The following DCLRE1C variants were observed in gnomAD, a reference collection of about 807,000 sequenced individuals.
DCLRE1C encodes the protein protein artemis.
DCLRE1C carries 47 observed loss-of-function variants against 61.4 expected under a neutral mutation model. The observed-to-expected ratio is 0.77, with a 90% CI of 0.61 to 0.98. The LOEUF (loss-of-function observed/expected upper bound fraction) is 0.98, where lower values mean the gene tolerates loss of function less well. Among genes scored for constraint, DCLRE1C ranks in the 50% least tolerant of loss-of-function variants. The pLI is 0.00. For missense variants in DCLRE1C, 858 were observed against 816.0 expected (o/e 1.05, Z -0.63); for synonymous variants, 337 against 287.6 (o/e 1.17, Z -1.74).
At chr10:14,925,215 A>G (rs1837757902) in intron 11 of DCLRE1C, among the ~76,000 whole-genome samples, 1 of 149,768 alleles carries the variant, frequency 6.7e-6, no homozygotes, top group Non-Finnish European at 1.5e-5. Context: ...TTTGAAGGGA[A>G]TAAAGGATTT....
upstream of DCLRE1C, chr10:14,954,265 C>T (rs1369639819): frequency 1.7e-6 from 1 of 588,972 alleles, no homozygotes; most frequent in Non-Finnish European, 3.0e-6. Flanking sequence ...CTGCCCAGTG[C>T]AAGGCTCATT....
At chr10:14,911,457 G>C (rs1326842523) in intron 13 of DCLRE1C, 1 of 152,142 alleles carries the variant, frequency 6.6e-6, no homozygotes, top group Non-Finnish European at 1.5e-5. Context: ...GTAAAATTCA[G>C]AATGTATGGC....
intron 2 of DCLRE1C, among the ~76,000 whole-genome samples, chr10:14,947,358 C>G (rs1035936185): frequency 2.6e-5 from 4 of 152,170 alleles, no homozygotes; most frequent in Admixed American, 2.6e-4. Flanking sequence ...ACTCTGCTCA[C>G]TGATGTTTGA....
At chr10:14,939,405 C>G (rs1320944316) in intron 4 of DCLRE1C, among the ~76,000 whole-genome samples, 1 of 149,866 alleles carries the variant, frequency 6.7e-6, no homozygotes, top group Admixed American at 6.7e-5. Flanking sequence ...GATCACACCA[C>G]TGCACTCCAG....
chr10:14,899,802 T>C (rs969077561), downstream of DCLRE1C: 1 of 1,271,576 alleles, frequency 7.9e-7, no homozygotes, highest in Admixed American at 2.6e-5. Context: ...CCAAAATATG[T>C]ATTTTATAAG....
chr10:14,953,736 T>C (rs577871774), intron 1 of DCLRE1C, among the ~76,000 whole-genome samples, 166 bp downstream of exon 1: 3 of 152,252 alleles, frequency 2.0e-5, no homozygotes, highest in South Asian at 2.1e-4. Flanking sequence ...CGAAAATAGA[T>C]GAAGCCTTTG....
chr10:14,911,002 A>G (rs1366397018), intron 13 of DCLRE1C, among the ~76,000 whole-genome samples: 2 of 152,206 alleles, frequency 1.3e-5, no homozygotes, highest in African/African-American at 4.8e-5. Context: ...ACATTGAAGA[A>G]ATAAATGTAC....
rs1305521086 is a variant in DCLRE1C at position 14,905,960 on chromosome 10, TG to T, written c.*2447del. Among the ~76,000 whole-genome samples, 1 of 152,170 alleles carries T rather than the reference TG, an allele frequency of 6.6e-6. No homozygotes were observed. The highest frequency in any genetic ancestry group is 2.4e-5 in the African/African-American group (1 of 41,426). ...TAGGGCCACTGCATTCCAGCCTGAG[TG>T]ACAGAGCGAGACTCCATCTTGAAAA... On this transcript the variant is annotated 3_prime_UTR_variant, in exon 14 of 14. Coordinates refer to ENST00000378278, the MANE Select transcript of DCLRE1C (RefSeq NM_001033855.3).
rs1834698925 is a variant in DCLRE1C, at chr10:14,908,565, G to C, written c.1922C>G (p.Thr641Arg). The change falls in exon 14 of 14, where the codon ACA becomes AGA. Residue 641 changes from threonine to arginine, a missense_variant. By Grantham distance (71) the Thr-to-Arg change is moderately conservative (BLOSUM62 -1). Around this residue, in one of 2 missense-constraint regions of DCLRE1C, gnomAD observed 843 missense variants for 783.5 expected, o/e 1.08. Coordinates refer to ENST00000378278, the MANE Select transcript of DCLRE1C (RefSeq NM_001033855.3). ...PEEKSLLNLS[T>R]NADSQSSSDF... Reference sequence around the variant, plus strand: ...AGAAGAGCTCTGGGAATCTGCATTTGTGCTAAGATTTAGCAAACTTTTTTC... The same window carrying C: ...AGAAGAGCTCTGGGAATCTGCATTTCTGCTAAGATTTAGCAAACTTTTTTC... The C allele has an allele frequency of 6.2e-7, 1 of 1,614,004 alleles. No individual in the cohort carries two copies. Among genetic ancestry groups the C allele is most frequent in the Admixed American group, 1.7e-5 (1 of 60,008 alleles).
chr10:14,950,375 AAC>A (rs1491276544), intron 1 of DCLRE1C, among the ~76,000 whole-genome samples: 3 of 151,638 alleles, frequency 2.0e-5, no homozygotes, highest in African/African-American at 4.8e-5. Context: ...AAAAAAAAAA[AAC>A]AAGAACAATA....
At chr10:14,922,462 A>G (rs1837279615) in intron 12 of DCLRE1C, among the ~76,000 whole-genome samples, 1 of 151,764 alleles carries the variant, frequency 6.6e-6, no homozygotes, top group South Asian at 2.1e-4. Flanking sequence ...AAAATCATTC[A>G]TGAATGCATA....
rs1455852932 is a variant in DCLRE1C, at chr10:14,935,457, C to G, written c.464+6G>C. The G allele has an allele frequency of 2.5e-6, 4 of 1,613,738 alleles. No homozygotes were observed. Among genetic ancestry groups the G allele is most frequent in the Non-Finnish European group, 3.4e-6 (4 of 1,179,686 alleles). ...AATAAAATAAAACCTATACGAGGCC[C>G]AGTACCTGCCCCCGGAGTGCAGAAG... On this transcript the variant is annotated splice_donor_region_variant and intron_variant, in intron 6 of 13. Coordinates refer to ENST00000378278, the MANE Select transcript of DCLRE1C (RefSeq NM_001033855.3).
intron 5 of DCLRE1C, among the ~76,000 whole-genome samples, chr10:14,936,258 A>G (rs1361402781): frequency 1.3e-5 from 2 of 151,902 alleles, no homozygotes; most frequent in Non-Finnish European, 2.9e-5. Flanking sequence ...CCCTAGTTCA[A>G]TTTGGGAACA....
chr10:14,934,632 C>T (rs1468986140), intron 7 of DCLRE1C, 71 bp downstream of exon 7: 31 of 1,611,966 alleles, frequency 1.9e-5, no homozygotes, highest in Non-Finnish European at 2.4e-5. Context: ...TATGACCTGT[C>T]ACCCTACAAA....
chr10:14,908,950 C>T lies in DCLRE1C; in HGVS notation c.1537G>A (p.Ala513Thr). ...SLENFPSSTVAGGSQSPKLFS... is the reference protein window; with the variant it reads ...SLENFPSSTVTGGSQSPKLFS... ...AGCTTTGGTGACTGAGATCCCCCTG[C>T]CACTGTGGAGGAAGGGAAGTTTTCC... Residue 513 changes from alanine (A) to threonine (T), a missense_variant, in exon 14 of 14, where the codon GCA becomes ACA. Transcript: ENST00000378278. 6.2e-7 allele frequency: 1 copy of T among 1,614,168 alleles called. No homozygotes were observed. The highest frequency in any genetic ancestry group is 8.5e-7 in the Non-Finnish European group (1 of 1,180,028).
Position 14,934,820 on chromosome 10 carries a change from A to G in DCLRE1C, c.465-45T>C, listed in dbSNP as rs369082885. 7 of 1,442,776 alleles carry G rather than the reference A, an allele frequency of 4.9e-6. No individual in the cohort carries two copies. The African/African-American group carries it at 9.8e-5, about 20-fold the overall frequency. 89.4% of individuals were successfully genotyped at this position (1,442,776 alleles called of 1,614,324 possible). On this transcript the variant is annotated intron_variant, in intron 6 of 13. Transcript: ENST00000378278. ...ATGTTAGCCATCCAATGTGATATAA[A>G]TTATGTGTAACTTTTTTTGTTTTTT...
At chr10:14,932,082 G>A (rs912053960) in intron 9 of DCLRE1C, among the ~76,000 whole-genome samples, 8 of 150,872 alleles carry the variant, frequency 5.3e-5, no homozygotes, top group African/African-American at 9.8e-5. Context: ...AAATTAGCCA[G>A]AAGTCATGGT....
chr10:14,897,694 C>T (rs981110303), exon 14 of DCLRE1C: 4 of 468,364 alleles, frequency 8.5e-6, no homozygotes, highest in Admixed American at 4.2e-5. Context: ...AAATAAAAAA[C>T]TTTTATATGA....
chr10:14,948,885 G>A, intron 2 of DCLRE1C, 151 bp downstream of exon 2: 1 of 648,278 alleles, frequency 1.5e-6, no homozygotes, highest in South Asian at 1.8e-5. Context: ...GGTAAGAGGG[G>A]TCTGGGATAT....
Sources: gnomAD v4.1 joint callset for allele counts (sites outside exome capture counted in the v4.1 genomes callset) on GRCh38, gnomAD v4.1.1 for gene constraint, gnomAD v4.1.1 regional missense constraint, MANE v1.5 for transcripts, NCBI Gene and HGNC (gene_info 2026-07-23, HGNC 2026-07-21) for gene names.